Variants in LEF1 observed in about 807,000 individuals in gnomAD.
The protein encoded by LEF1 is lymphoid enhancer-binding factor 1.
Under a neutral mutation model 51.2 loss-of-function variants are expected in LEF1, and 14 were observed. That is an observed-to-expected ratio of 0.27 (90% CI 0.18 to 0.43). The LOEUF (loss-of-function observed/expected upper bound fraction) is 0.43. Ranked by LOEUF, LEF1 falls within the 20% of genes least tolerant of loss-of-function variation. LEF1 has a pLI of 1.00. For synonymous variants in LEF1, 185 were observed against 183.2 expected, an observed-to-expected ratio of 1.01 and a Z score of -0.08; for missense variants, 386 against 512.0, an observed-to-expected ratio of 0.75 and a Z score of 2.37.
At chr4:108,160,513 T>C (rs1744997675) in intron 3 of LEF1, among the ~76,000 whole-genome samples, 1 of 152,196 alleles carries the variant, frequency 6.6e-6, no homozygotes, top group South Asian at 2.1e-4. Context: ...ACCCAATTTA[T>C]CTGAACTAAG....
At chr4:108,108,725 A>T (rs932640841) in intron 3 of LEF1, among the ~76,000 whole-genome samples, 2 of 152,188 alleles carry the variant, frequency 1.3e-5, no homozygotes, top group Non-Finnish European at 2.9e-5. Flanking sequence ...CTTTATTTAT[A>T]AGATACACAT....
intron 3 of LEF1, among the ~76,000 whole-genome samples, chr4:108,125,193 T>C (rs1742447409): frequency 6.6e-6 from 1 of 152,212 alleles, no homozygotes; most frequent in Non-Finnish European, 1.5e-5. Flanking sequence ...AGGCAGAGTC[T>C]TGCTCTATCG....
At chr4:108,114,634 A>C (rs1274402923) in intron 3 of LEF1, among the ~76,000 whole-genome samples, 1 of 152,232 alleles carries the variant, frequency 6.6e-6, no homozygotes, top group African/African-American at 2.4e-5. Context: ...AAACTCTGCG[A>C]GCTAAAGATA....
intron 3 of LEF1, among the ~76,000 whole-genome samples, chr4:108,096,207 G>C (rs1352867820): frequency 6.6e-6 from 1 of 152,098 alleles, no homozygotes; most frequent in African/African-American, 2.4e-5. Flanking sequence ...TAAAAGAAAG[G>C]ACCACCAGAT....
chr4:108,160,843 T>G (rs935239556), intron 3 of LEF1, among the ~76,000 whole-genome samples: 2 of 152,212 alleles, frequency 1.3e-5, no homozygotes, highest in African/African-American at 2.4e-5. Flanking sequence ...TCCTCTGGAT[T>G]GTCTGCAGTT....
At chr4:108,166,333 A>G in intron 1 of LEF1, 1 of 1,525,028 alleles carries the variant, frequency 6.6e-7, no homozygotes, top group Non-Finnish European at 8.7e-7. Flanking sequence ...TTTAAAACCC[A>G]AAATGTCCCC....
intron 3 of LEF1, among the ~76,000 whole-genome samples, chr4:108,144,167 A>G (rs369602925): frequency 6.6e-5 from 10 of 152,102 alleles, no homozygotes; most frequent in East Asian, 5.8e-4. Flanking sequence ...ATACAAATTT[A>G]CTCTTAAAAA....
chr4:108,060,269 A>G (rs2063370171), intron 11 of LEF1, among the ~76,000 whole-genome samples: 2 of 152,230 alleles, frequency 1.3e-5, no homozygotes, highest in South Asian at 4.1e-4. Context: ...CCACTCAGAC[A>G]TAAAATGATG....
At chr4:108,087,421 G>C (rs1553951402) in intron 4 of LEF1, among the ~76,000 whole-genome samples, 3 of 151,816 alleles carry the variant, frequency 2.0e-5, no homozygotes, top group Non-Finnish European at 2.9e-5. Flanking sequence ...GTTTTGGAGA[G>C]TTTTTTTTTA....
rs1745515556 is a variant in LEF1, at chr4:108,167,851, G to T, written c.-84C>A. On this transcript the variant is annotated 5_prime_UTR_variant, in exon 1 of 12. Coordinates refer to ENST00000265165, the MANE Select transcript of LEF1 (RefSeq NM_016269.5). This position sits in a 1 kb window ranked among gnomAD's most constrained non-coding sequence, Gnocchi z 5.7. ...ACAGAGGGGTAACTCAAGGGTGGGG[G>T]AGGAAAGGAGAGTTGGAAGGGTTCG... is the stretch of plus-strand genomic sequence containing the variant. 1 of 1,218,080 alleles carries T rather than the reference G, an allele frequency of 8.2e-7. No homozygotes were observed. The highest frequency in any genetic ancestry group is 1.2e-6 in the Non-Finnish European group (1 of 854,418). The allele number at this position is 1,218,080 out of a possible 1,614,324, so 75.5% of individuals were successfully genotyped here.
chr4:108,140,133 CCGT>C (rs918185813), intron 3 of LEF1, among the ~76,000 whole-genome samples: 13 of 152,264 alleles, frequency 8.5e-5, no homozygotes, highest in African/African-American at 2.9e-4. Context: ...CCCTAATTTG[CCGT>C]CGAAGTCTGT....
chr4:108,077,725 G>A (rs1578314493), intron 8 of LEF1, among the ~76,000 whole-genome samples: 1 of 151,946 alleles, frequency 6.6e-6, no homozygotes, highest in East Asian at 1.9e-4. Flanking sequence ...CCTCTGCCCG[G>A]CTGCTGCCCC....
intron 3 of LEF1, among the ~76,000 whole-genome samples, chr4:108,103,338 T>C (rs532699930): frequency 2.0e-5 from 3 of 152,248 alleles, no homozygotes; most frequent in African/African-American, 4.8e-5. Context: ...GACAAGCTGA[T>C]AAATGGGATG....
At chr4:108,083,478 A>G in intron 4 of LEF1, 32 bp from the exon 5 acceptor site, 1 of 1,400,208 alleles carries the variant, frequency 7.1e-7, no homozygotes, top group Non-Finnish European at 1.0e-6. Flanking sequence ...TATCATTTAC[A>G]GATTCACAGG....
intron 3 of LEF1, among the ~76,000 whole-genome samples, chr4:108,141,601 T>C (rs1217863939): frequency 2.0e-5 from 3 of 152,118 alleles, no homozygotes; most frequent in Non-Finnish European, 4.4e-5. Flanking sequence ...TGCAAGCGAG[T>C]GGCAGCCAAG....
intron 3 of LEF1, among the ~76,000 whole-genome samples, chr4:108,138,856 C>T (rs1743466359): frequency 6.6e-6 from 1 of 152,210 alleles, no homozygotes; most frequent in African/African-American, 2.4e-5. Flanking sequence ...CATGTGCCAC[C>T]ATGCCCCATT....
intron 4 of LEF1, among the ~76,000 whole-genome samples, chr4:108,084,707 T>C (rs1739528241): frequency 6.6e-6 from 1 of 152,228 alleles, no homozygotes; most frequent in African/African-American, 2.4e-5. Flanking sequence ...GTTTTTAAAA[T>C]AATGGTTTCA....
Position 108,157,888 on chromosome 4 carries a change from G to A in LEF1, c.414+5680C>T, listed in dbSNP as rs539380710. 4.6e-5 allele frequency among the ~76,000 whole-genome samples: 7 copies of A among 152,288 alleles called. No individual in the cohort carries two copies. In the South Asian group the frequency reaches 1.0e-3, roughly 23 times the overall value. On this transcript the variant is annotated intron_variant, in intron 3 of 11. Coordinates refer to ENST00000265165, the MANE Select transcript of LEF1 (RefSeq NM_016269.5). ...TATTATACAAATGCACTCTTTTACA[G>A]AGACTTTATAATCCTCTACACAGCC...
chr4:108,119,915 AC>A (rs1742057017), intron 3 of LEF1, among the ~76,000 whole-genome samples: 1 of 152,074 alleles, frequency 6.6e-6, no homozygotes, highest in South Asian at 2.1e-4. Flanking sequence ...TGCTTAAAAA[AC>A]AATCTGTTTA....
Sources: allele counts gnomAD v4.1 joint callset (sites outside exome capture counted in the v4.1 genomes callset), GRCh38; gene constraint gnomAD v4.1.1; non-coding constraint Gnocchi (gnomAD v3.1); transcripts MANE v1.5; gene names NCBI Gene and HGNC (gene_info 2026-07-23, HGNC 2026-07-21).